PCBP3: variants seen among roughly 807,000 people sequenced by gnomAD.
The protein encoded by PCBP3 is poly(rC) binding protein 3.
PCBP3 carries 25 observed loss-of-function variants against 52.7 expected under a neutral mutation model. The ratio of observed to expected loss-of-function variants is 0.47; its 90% CI spans 0.35 to 0.66. The LOEUF (loss-of-function observed/expected upper bound fraction) is 0.66. PCBP3 is among the 30% of genes least tolerant of loss of function. The pLI, the probability that PCBP3 is intolerant of heterozygous loss-of-function variation, is 0.01. For synonymous variants in PCBP3, 162 were observed against 183.0 expected (o/e 0.89, Z 0.93); for missense variants, 391 against 490.3 (o/e 0.80, Z 1.91).
intron 13 of PCBP3, among the ~76,000 whole-genome samples, chr21:45,926,687 T>C (rs760526291): frequency 3.9e-5 from 6 of 152,158 alleles, no homozygotes; most frequent in Non-Finnish European, 5.9e-5. Context: ...CGTGGGGAAA[T>C]TGATCTTTAC....
In PCBP3 at chr21:45,901,891, G is replaced by C. The variant is rs375333500; in HGVS notation, c.339+778G>C. Reference sequence around the variant, plus strand: ...TTAGAGATGCATTTAGTGTCTTTGAGGAGTGACCATTAAGTAATGAGGTGC... The same window carrying C: ...TTAGAGATGCATTTAGTGTCTTTGACGAGTGACCATTAAGTAATGAGGTGC... On this transcript the variant is annotated intron_variant, in intron 9 of 17. Coordinates refer to ENST00000681687, the MANE Select transcript of PCBP3 (RefSeq NM_001384156.1). Among the ~76,000 whole-genome samples the C allele has an allele frequency of 1.2e-4, 18 of 152,338 alleles. No homozygotes were observed. In the East Asian group the frequency reaches 3.1e-3, roughly 26 times the overall value.
rs1471042643 is a variant in PCBP3, at chr21:45,788,687, T to C, written c.-126+33235T>C. On this transcript the variant is annotated intron_variant, in intron 4 of 17. Transcript: ENST00000681687. This position sits in a 1 kb window ranked among gnomAD's most constrained non-coding sequence, Gnocchi z 4.3. ...CGCCACGAGGGCCCCTCAGAGACGA[T>C]GCTAACGGCCTCTCAGATGCTGACC... is the stretch of plus-strand genomic sequence containing the variant. 2.0e-5 allele frequency: 3 copies of C among 152,360 alleles called. No homozygotes were observed. The highest frequency in any genetic ancestry group is 7.2e-5 in the African/African-American group (3 of 41,584). 9.4% of individuals were successfully genotyped at this position (152,360 alleles called of 1,614,324 possible).
At position 45,664,226 on chromosome 21, in the gene PCBP3, T is replaced by G. The variant is rs1489758759; in HGVS notation, c.-278-4648T>G. The stretch of plus-strand genomic sequence containing the variant: ...ACATATATACAGAATAATAATAATA[T>G]AAGAATAATAATAATATAAATCACA... On this transcript the variant is annotated intron_variant, in intron 1 of 17. Transcript: ENST00000681687. Among the ~76,000 whole-genome samples, 14 of 71,254 alleles carry G rather than the reference T, an allele frequency of 2.0e-4. 2 individuals carry two copies. Among genetic ancestry groups the G allele is most frequent in the African/African-American group, 7.6e-4 (14 of 18,312 alleles). 46.7% of individuals were successfully genotyped at this position (71,254 alleles called of 152,430 possible). A position where few individuals can be genotyped will look rare whatever the true frequency, so the allele number is the denominator to read the frequency against.
rs114231842 is a variant in PCBP3, at chr21:45,681,072, C to G, written c.-200+12120C>G. On this transcript the variant is annotated intron_variant, in intron 2 of 17. Transcript: ENST00000681687. Reference sequence around the variant, plus strand: ...CGGAAGGCAGAGGGCAAAAAAGGGCCTAAGCTAGTCCCCGCCACCCCTTTT... The same window carrying G: ...CGGAAGGCAGAGGGCAAAAAAGGGCGTAAGCTAGTCCCCGCCACCCCTTTT... Among the ~76,000 whole-genome samples the G allele has an allele frequency of 5.7e-3, 868 of 152,290 alleles. 7 individuals are homozygous for G. Among genetic ancestry groups the G allele is most frequent in the African/African-American group, 0.02 (811 of 41,536 alleles).
chr21:45,686,783 C>T (rs974039407), intron 2 of PCBP3, among the ~76,000 whole-genome samples: 2 of 152,004 alleles, frequency 1.3e-5, no homozygotes, highest in African/African-American at 4.8e-5. Context: ...ATGAAATTAA[C>T]AGCTGATTAG....
intron 9 of PCBP3, 139 bp downstream of exon 9, chr21:45,901,252 C>A: frequency 1.5e-6 from 1 of 682,696 alleles, no homozygotes; most frequent in South Asian, 1.6e-5. Context: ...CGCTCACCTC[C>A]TTTGCCTCCC....
Position 45,910,800 on chromosome 21 carries a change from A to G in PCBP3, c.472-102A>G, listed in dbSNP as rs1603494974. ...CGCGTGGGCTGTATGCAGGTTTCCA[A>G]GGAAGTGTCCCCCGAGCTGCCTTGG... On this transcript the variant is annotated intron_variant, in intron 10 of 17. Transcript: ENST00000681687. 9 of 1,205,738 alleles carry G rather than the reference A, an allele frequency of 7.5e-6. No homozygotes were observed. In the East Asian group the frequency reaches 9.7e-5, roughly 13 times the overall value. The allele number at this position is 1,205,738 out of a possible 1,614,324, so 74.7% of individuals were successfully genotyped here.
At chr21:45,647,600 A>G (rs1164827279) in intron 1 of PCBP3, among the ~76,000 whole-genome samples, 1 of 152,184 alleles carries the variant, frequency 6.6e-6, no homozygotes, top group Non-Finnish European at 1.5e-5. Context: ...TTAGAAAAAG[A>G]CTGGAAGGTT....
At chr21:45,925,468 T>C (rs1430798913) in intron 13 of PCBP3, among the ~76,000 whole-genome samples, 1 of 152,242 alleles carries the variant, frequency 6.6e-6, no homozygotes, top group East Asian at 1.9e-4. Flanking sequence ...ATGTGGATGA[T>C]TGTGATCAAA....
intron 3 of PCBP3, among the ~76,000 whole-genome samples, chr21:45,740,952 C>G (rs1442311663): frequency 6.6e-6 from 1 of 152,198 alleles, no homozygotes; most frequent in Non-Finnish European, 1.5e-5. Flanking sequence ...AGGAGTCAGC[C>G]TCTCAGCCCT....
chr21:45,797,386 A>G (rs796264486), intron 4 of PCBP3, among the ~76,000 whole-genome samples: 6 of 2,338 alleles, frequency 2.6e-3, no homozygotes, highest in Non-Finnish European at 5.0e-3. Context: ...ATGCATGGAT[A>G]GTTGAGTGCG....
intron 1 of PCBP3, among the ~76,000 whole-genome samples, chr21:45,658,388 C>G (rs1053465164): frequency 2.6e-5 from 4 of 152,208 alleles, no homozygotes; most frequent in Admixed American, 6.5e-5. Context: ...ACTGCAGCCT[C>G]TGCCTCCTGG....
chr21:45,782,553 G>T (rs892248394), intron 4 of PCBP3, among the ~76,000 whole-genome samples: 1 of 152,198 alleles, frequency 6.6e-6, no homozygotes, highest in Admixed American at 6.5e-5. Context: ...AGGCCTGCAG[G>T]ATGGAGTCAA....
intron 2 of PCBP3, among the ~76,000 whole-genome samples, chr21:45,701,678 A>G (rs566721784): frequency 6.6e-6 from 1 of 152,260 alleles, no homozygotes; most frequent in Non-Finnish European, 1.5e-5. Context: ...CTCCTGCCTC[A>G]GCCTCCTAAT....
At chr21:45,914,257 A>C (rs2096461927) in intron 12 of PCBP3, 1 of 636,578 alleles carries the variant, frequency 1.6e-6, no homozygotes, top group South Asian at 2.2e-5. Context: ...TCCCTCCCTG[A>C]CCCGGGCAGG....
intron 5 of PCBP3, among the ~76,000 whole-genome samples, chr21:45,864,513 T>G (rs73234772): frequency 7.1e-4 from 108 of 152,388 alleles, no homozygotes; most frequent in Admixed American, 2.9e-3. Context: ...TATTTTCACC[T>G]ATTGTAAATG....
intron 16 of PCBP3, among the ~76,000 whole-genome samples, chr21:45,935,958 A>T (rs2076849863): frequency 6.6e-6 from 1 of 152,238 alleles, no homozygotes; most frequent in Non-Finnish European, 1.5e-5. Context: ...CATGGGCCAC[A>T]TGTCCTTAAG....
At chr21:45,824,033 G>C (rs1810871) in intron 4 of PCBP3, among the ~76,000 whole-genome samples, 122,451 of 152,186 alleles carry the variant, frequency 0.8, 50,062 homozygotes, top group East Asian at 0.94. Context: ...TGAGCCACTA[G>C]GCTCGGCCTG....
chr21:45,774,299 C>T (rs920566030), intron 4 of PCBP3, among the ~76,000 whole-genome samples: 4 of 150,826 alleles, frequency 2.7e-5, no homozygotes, highest in African/African-American at 7.3e-5. Context: ...CCCAGCTACT[C>T]GGGAGGCTGA....
Sources: gnomAD v4.1 joint callset for allele counts (sites outside exome capture counted in the v4.1 genomes callset) on GRCh38, gnomAD v4.1.1 for gene constraint, Gnocchi (gnomAD v3.1) non-coding constraint, MANE v1.5 for transcripts, NCBI Gene and HGNC (gene_info 2026-07-23, HGNC 2026-07-21) for gene names.